CCSER1: variants seen among roughly 807,000 people sequenced by gnomAD.
CCSER1 encodes the protein coiled-coil serine rich protein 1.
CCSER1 carries 41 observed loss-of-function variants against 82.0 expected under a neutral mutation model. The ratio of observed to expected loss-of-function variants is 0.50; its 90% CI spans 0.39 to 0.65. The LOEUF is 0.65. Ranked by LOEUF, CCSER1 falls within the 30% of genes least tolerant of loss-of-function variation. CCSER1 has a pLI of 0.00. For synonymous variants in CCSER1, 414 were observed against 383.9 expected, an observed-to-expected ratio of 1.08 and a Z score of -0.92; for missense variants, 1,119 against 1,064.2, an observed-to-expected ratio of 1.05 and a Z score of -0.72.
At position 91,225,405 on chromosome 4, in the gene CCSER1, T is replaced by A. The variant is rs193176312; in HGVS notation, c.2217+139411T>A. ...GATATAATATATATATTCATATATA[T>A]TATATATATGAAAATATACAGTATT... On this transcript the variant is annotated intron_variant, in intron 10 of 10. Coordinates refer to ENST00000509176, the MANE Select transcript of CCSER1 (RefSeq NM_001145065.2). Among the ~76,000 whole-genome samples, 861 of 143,128 alleles carry A rather than the reference T, an allele frequency of 6.0e-3. 11 individuals carry two copies. Among genetic ancestry groups the A allele is most frequent in the African/African-American group, 0.021 (818 of 39,080 alleles). 93.9% of individuals were successfully genotyped at this position (143,128 alleles called of 152,430 possible).
In CCSER1 at chr4:90,411,735, C is replaced by G. The variant is rs1019473896; in HGVS notation, c.1603+11606C>G. 3.9e-5 allele frequency among the ~76,000 whole-genome samples: 6 copies of G among 152,162 alleles called. No individual in the cohort carries two copies. In the East Asian group the frequency reaches 1.2e-3, roughly 29 times the overall value. ...ACAAGACAGGGATGCCCTCTCTCAC[C>G]ACTCCTATTCAACATAGTGTTGGCA... is the stretch of plus-strand genomic sequence containing the variant. On this transcript the variant is annotated intron_variant, in intron 4 of 10. Transcript: ENST00000509176.
chr4:90,352,528 G>A (rs990905262), intron 3 of CCSER1, among the ~76,000 whole-genome samples: 3 of 151,980 alleles, frequency 2.0e-5, no homozygotes, highest in African/African-American at 7.2e-5. Context: ...TGGGTGAGGT[G>A]GCAGGTGCCT....
chr4:90,465,618 G>A (rs1763521430), intron 4 of CCSER1, among the ~76,000 whole-genome samples: 1 of 152,038 alleles, frequency 6.6e-6, no homozygotes, highest in South Asian at 2.1e-4. Context: ...ATTAATCACG[G>A]GGAGACAAGG....
intron 10 of CCSER1, among the ~76,000 whole-genome samples, chr4:91,392,969 A>G (rs1026147781): frequency 6.6e-5 from 10 of 152,090 alleles, no homozygotes; most frequent in Non-Finnish European, 1.2e-4. Context: ...TATAGGGCTG[A>G]GGTGGTGTAT....
At chr4:91,282,511 G>A (rs1057275496) in intron 10 of CCSER1, among the ~76,000 whole-genome samples, 1 of 152,016 alleles carries the variant, frequency 6.6e-6, no homozygotes, top group African/African-American at 2.4e-5. Flanking sequence ...CTCACAAGTC[G>A]CTCTTCAGAG....
At chr4:90,591,050 C>CT (rs1181376964) in intron 5 of CCSER1, among the ~76,000 whole-genome samples, 1 of 152,090 alleles carries the variant, frequency 6.6e-6, no homozygotes, top group East Asian at 1.9e-4. Context: ...ATTTTATTCT[C>CT]TTTGTAGCAA....
intron 8 of CCSER1, among the ~76,000 whole-genome samples, chr4:90,904,666 G>C (rs935056577): frequency 4.6e-5 from 7 of 152,020 alleles, no homozygotes; most frequent in Admixed American, 1.3e-4. Context: ...GAGCAATAAG[G>C]GGGGGCCTGG....
chr4:90,922,076 T>G (rs1033081140), intron 8 of CCSER1, among the ~76,000 whole-genome samples: 3 of 152,098 alleles, frequency 2.0e-5, no homozygotes, highest in Admixed American at 2.0e-4. Context: ...CTAATCTGCA[T>G]CTAATTTTTC....
At chr4:90,782,339 T>C (rs946134842) in intron 7 of CCSER1, among the ~76,000 whole-genome samples, 4 of 152,218 alleles carry the variant, frequency 2.6e-5, no homozygotes, top group Non-Finnish European at 5.9e-5. Flanking sequence ...ATTCATTCAA[T>C]TAATATTTAT....
intron 10 of CCSER1, among the ~76,000 whole-genome samples, chr4:91,189,065 T>C (rs1734799601): frequency 6.6e-6 from 1 of 152,126 alleles, no homozygotes; most frequent in South Asian, 2.1e-4. Flanking sequence ...ACGGTATATA[T>C]AATGATTTTA....
intron 6 of CCSER1, among the ~76,000 whole-genome samples, chr4:90,713,111 G>A (rs1210892492): frequency 6.6e-6 from 1 of 151,734 alleles, no homozygotes; most frequent in East Asian, 1.9e-4. Context: ...GCCATTCTGT[G>A]TCTTTTAATT....
In CCSER1 at chr4:91,073,904, G is replaced by T. The variant is rs547622403; in HGVS notation, c.2173-12046G>T. Among the ~76,000 whole-genome samples, 3 of 151,746 alleles carry T rather than the reference G, an allele frequency of 2.0e-5. No individual in the cohort carries two copies. In the South Asian group the frequency reaches 6.2e-4, roughly 32 times the overall value. ...TTACAACTCTCTATATCCTCCTCCCGATAATCATCAATTTTTTACCAGGCA... is the reference window on the plus strand; with the variant it reads ...TTACAACTCTCTATATCCTCCTCCCTATAATCATCAATTTTTTACCAGGCA... On this transcript the variant is annotated intron_variant, in intron 9 of 10. Coordinates refer to ENST00000509176, the MANE Select transcript of CCSER1 (RefSeq NM_001145065.2).
intron 10 of CCSER1, among the ~76,000 whole-genome samples, chr4:91,310,927 G>A (rs1391332496): frequency 6.6e-6 from 1 of 151,584 alleles, no homozygotes; most frequent in Non-Finnish European, 1.5e-5. Context: ...CTTCCAATGT[G>A]GCCTAGGGAA....
At chr4:90,604,487 G>C (rs561650866) in intron 5 of CCSER1, among the ~76,000 whole-genome samples, 2 of 152,290 alleles carry the variant, frequency 1.3e-5, no homozygotes, top group African/African-American at 4.8e-5. Context: ...AATGAAACAT[G>C]CTTGGCAAGT....
intron 1 of CCSER1, among the ~76,000 whole-genome samples, chr4:90,190,375 TTTCTTGCTG>T (rs1735402924): frequency 6.6e-6 from 1 of 152,122 alleles, no homozygotes; most frequent in African/African-American, 2.4e-5. Context: ...ACAGTAGTTG[TTTCTTGCTG>T]GTAAAATTAT....
chr4:91,409,208 T>G (rs2149369357), intron 10 of CCSER1, among the ~76,000 whole-genome samples: 1 of 152,316 alleles, frequency 6.6e-6, no homozygotes, highest in Middle Eastern at 3.4e-3. Context: ...CTTAATAAAC[T>G]TTGCATTAGG....
intron 10 of CCSER1, among the ~76,000 whole-genome samples, chr4:91,550,478 T>C (rs1355531162): frequency 1.3e-5 from 2 of 152,184 alleles, no homozygotes; most frequent in South Asian, 2.1e-4. Flanking sequence ...TCTTTCAAAT[T>C]TGGAGAATGC....
chr4:90,313,101 A>G, intron 3 of CCSER1, 54 bp downstream of exon 3: 1 of 1,331,372 alleles, frequency 7.5e-7, no homozygotes, highest in Non-Finnish European at 1.1e-6. Flanking sequence ...TATATCCGAC[A>G]TGTTCATGTC....
At chr4:90,918,371 G>A (rs567827465) in intron 8 of CCSER1, 34 of 406,120 alleles carry the variant, frequency 8.4e-5, no homozygotes, top group African/African-American at 6.9e-4. Flanking sequence ...TGATTTTTTG[G>A]GATTATTGAG....
Sources: allele counts gnomAD v4.1 joint callset (sites outside exome capture counted in the v4.1 genomes callset), GRCh38; gene constraint gnomAD v4.1.1; transcripts MANE v1.5; gene names NCBI Gene and HGNC (gene_info 2026-07-23, HGNC 2026-07-21).